ANO3: variants seen among roughly 807,000 people sequenced by gnomAD.
ANO3 encodes anoctamin 3, also known as anoctamin-3.
Under a neutral mutation model 144.8 loss-of-function variants are expected in ANO3, and 99 were observed. That is an observed-to-expected ratio of 0.68 (90% CI 0.58 to 0.81). ANO3 has a LOEUF of 0.81. Ranked by LOEUF, ANO3 falls within the 30% of genes least tolerant of loss-of-function variation. ANO3 has a pLI of 0.00. For synonymous variants in ANO3, 414 were observed against 392.6 expected, an observed-to-expected ratio of 1.05 and a Z score of -0.64; for missense variants, 905 against 1,202.2, an observed-to-expected ratio of 0.75 and a Z score of 3.66.
chr11:26,658,241 A>G (rs4562781), intron 26 of ANO3, among the ~76,000 whole-genome samples: 86,289 of 152,026 alleles, frequency 0.57, 25,949 homozygotes, highest in South Asian at 0.76. Flanking sequence ...CCCTTAGAGC[A>G]CCATTTAGAA....
Position 26,525,786 on chromosome 11 carries a change from T to C in ANO3, c.737+107T>C, listed in dbSNP as rs193229524. 149 of 772,214 alleles carry C rather than the reference T, an allele frequency of 1.9e-4. No homozygotes were observed. The African/African-American group carries it at 2.3e-3, about 12-fold the overall frequency. 47.8% of individuals were successfully genotyped at this position (772,214 alleles called of 1,614,324 possible). A position where few individuals can be genotyped will look rare whatever the true frequency, so the allele number is the denominator to read the frequency against. Reference sequence around the variant, plus strand: ...CAGTTGTAAATCATAGGAAGAAAAATTCTATTGATTTGTCGAAGATATTTC... The same window carrying C: ...CAGTTGTAAATCATAGGAAGAAAAACTCTATTGATTTGTCGAAGATATTTC... On this transcript the variant is annotated intron_variant, in intron 7 of 26. Coordinates refer to ENST00000256737, the MANE Select transcript of ANO3 (RefSeq NM_031418.4).
chr11:26,355,484 A>T (rs1239413277), intron 1 of ANO3, among the ~76,000 whole-genome samples: 1 of 151,398 alleles, frequency 6.6e-6, no homozygotes, highest in Non-Finnish European at 1.5e-5. Flanking sequence ...TCTCTGAAAG[A>T]ACTCATTCAT....
intron 14 of ANO3, among the ~76,000 whole-genome samples, chr11:26,589,108 C>G (rs1851368994): frequency 6.6e-6 from 1 of 152,202 alleles, no homozygotes; most frequent in Non-Finnish European, 1.5e-5. Context: ...AATGTACCAG[C>G]CAGGCATTGT....
chr11:26,514,950 G>C (rs1246766428), intron 5 of ANO3, among the ~76,000 whole-genome samples: 1 of 152,130 alleles, frequency 6.6e-6, no homozygotes, highest in South Asian at 2.1e-4. Flanking sequence ...TCTCTGATCA[G>C]TGACAGATTT....
intron 1 of ANO3, among the ~76,000 whole-genome samples, chr11:26,276,954 C>T (rs1215610701): frequency 1.3e-5 from 2 of 152,026 alleles, no homozygotes; most frequent in African/African-American, 4.8e-5. Context: ...ACCTTAGTTG[C>T]TTAAATGTGG....
At chr11:26,496,940 C>T (rs1297050395) in intron 4 of ANO3, among the ~76,000 whole-genome samples, 2 of 147,908 alleles carry the variant, frequency 1.4e-5, no homozygotes, top group African/African-American at 5.0e-5. Context: ...CCTAAGCATT[C>T]ATCACAGATG....
intron 14 of ANO3, among the ~76,000 whole-genome samples, chr11:26,586,145 G>A (rs1851268367): frequency 6.6e-6 from 1 of 152,068 alleles, no homozygotes; most frequent in South Asian, 2.1e-4. Flanking sequence ...GGAAGTCTTT[G>A]GGAGCTTTAA....
intron 1 of ANO3, among the ~76,000 whole-genome samples, chr11:26,430,578 G>A (rs141319489): frequency 2.6e-4 from 39 of 151,934 alleles, no homozygotes; most frequent in Non-Finnish European, 4.7e-4. Flanking sequence ...AATTCCTAAC[G>A]CAAGAGGTTA....
chr11:26,344,364 T>C (rs946147382), intron 1 of ANO3, among the ~76,000 whole-genome samples: 10 of 99,894 alleles, frequency 1.0e-4, no homozygotes, highest in Admixed American at 3.3e-4. Context: ...GAGAAAAATA[T>C]TGTCTTTTTT....
rs1486260503 is a variant in ANO3, at chr11:26,661,096, G to A, written c.*652G>A. ...AAAATCTAAGATTCCAAAAAGAACA[G>A]CATTCATTGAAATAATATTCCATTG... On this transcript the variant is annotated 3_prime_UTR_variant, in exon 27 of 27. Coordinates refer to ENST00000256737, the MANE Select transcript of ANO3 (RefSeq NM_031418.4). The A allele has an allele frequency of 6.6e-6, 1 of 152,530 alleles. No homozygotes were observed. The highest frequency in any genetic ancestry group is 1.5e-5 in the Non-Finnish European group (1 of 68,008). 9.4% of individuals were successfully genotyped at this position (152,530 alleles called of 1,614,324 possible).
chr11:26,487,014 T>C (rs972385631), intron 4 of ANO3, among the ~76,000 whole-genome samples: 3 of 152,200 alleles, frequency 2.0e-5, no homozygotes, highest in African/African-American at 7.2e-5. Context: ...ACTAACCTAA[T>C]TTGCAAGGAG....
At chr11:26,602,364 G>A (rs1234937254) in intron 17 of ANO3, among the ~76,000 whole-genome samples, 1 of 152,006 alleles carries the variant, frequency 6.6e-6, no homozygotes, top group Non-Finnish European at 1.5e-5. Context: ...CATACTTGAT[G>A]GTATTTGATA....
At chr11:26,377,918 G>A (rs181121825) in intron 1 of ANO3, among the ~76,000 whole-genome samples, 1 of 152,208 alleles carries the variant, frequency 6.6e-6, no homozygotes, top group African/African-American at 2.4e-5. Context: ...TGCATACTTT[G>A]TGAAACAGCC....
At chr11:26,566,100 C>A (rs1200496939) in intron 14 of ANO3, among the ~76,000 whole-genome samples, 2 of 151,730 alleles carry the variant, frequency 1.3e-5, no homozygotes, top group East Asian at 3.9e-4. Context: ...TTCTTCCTTC[C>A]TTGCTTCTAG....
At chr11:26,392,360 C>A (rs1856904963) in intron 1 of ANO3, among the ~76,000 whole-genome samples, 1 of 150,202 alleles carries the variant, frequency 6.7e-6, no homozygotes, top group African/African-American at 2.5e-5. Flanking sequence ...TGACAATTGT[C>A]TACTAAGTGA....
chr11:26,407,271 G>A (rs1475877248), intron 1 of ANO3, among the ~76,000 whole-genome samples: 1 of 151,168 alleles, frequency 6.6e-6, no homozygotes, highest in African/African-American at 2.4e-5. Flanking sequence ...ATTACTTTGA[G>A]TGCTCAGCTC....
chr11:26,644,666 TTTG>T (rs1565162935), intron 23 of ANO3, among the ~76,000 whole-genome samples: 1 of 152,084 alleles, frequency 6.6e-6, no homozygotes, highest in African/African-American at 2.4e-5. Context: ...GAGGAAAAAA[TTTG>T]TTGTTCTATT....
intron 1 of ANO3, among the ~76,000 whole-genome samples, chr11:26,366,764 C>A (rs1590297586): frequency 2.7e-5 from 4 of 148,580 alleles, no homozygotes; most frequent in Non-Finnish European, 4.4e-5. Context: ...CTGTTGGCTG[C>A]ATAAATGTCT....
At chr11:26,237,807 C>G (rs1160500655) in intron 1 of ANO3, among the ~76,000 whole-genome samples, 1 of 151,976 alleles carries the variant, frequency 6.6e-6, no homozygotes, top group Non-Finnish European at 1.5e-5. Flanking sequence ...CTATTTCTAA[C>G]AAGTATTCTA....
Sources: allele counts gnomAD v4.1 joint callset (sites outside exome capture counted in the v4.1 genomes callset), GRCh38; gene constraint gnomAD v4.1.1; transcripts MANE v1.5; gene names NCBI Gene and HGNC (gene_info 2026-07-23, HGNC 2026-07-21).